REDIC1: variants seen among roughly 807,000 people sequenced by gnomAD.
REDIC1 encodes regulator of DNA class I crossover intermediates 1, also known as HEI10 Interacting Protein 1.
At chr12:39,726,278 A>G in the REDIC1 span, among the ~76,000 whole-genome samples, 1 of 152,010 alleles carries the variant, frequency 6.6e-6, no homozygotes, top group East Asian at 1.9e-4. Context: ...AGTCATCTAC[A>G]TTAGGTATTT....
chr12:39,663,773 G>A, the REDIC1 span, among the ~76,000 whole-genome samples: 120 of 151,826 alleles, frequency 7.9e-4, no homozygotes, highest in East Asian at 0.011. Context: ...ATGCATTTTC[G>A]TTATAGTAGA....
At chr12:39,702,572 T>A in the REDIC1 span, among the ~76,000 whole-genome samples, 2 of 152,128 alleles carry the variant, frequency 1.3e-5, no homozygotes, top group African/African-American at 4.8e-5. Context: ...GAATCCTCCC[T>A]AACTCATTTT....
At chr12:39,714,258 CATGCATATATGTATATATGT>C in the REDIC1 span, among the ~76,000 whole-genome samples, 1 of 141,894 alleles carries the variant, frequency 7.0e-6, no homozygotes, top group African/African-American at 2.6e-5. Flanking sequence ...TACGTATATG[CATGCATATATGTATATATGT>C]ATATACGTAT....
the REDIC1 span, among the ~76,000 whole-genome samples, chr12:39,713,479 C>T: frequency 6.7e-6 from 1 of 149,482 alleles, no homozygotes; most frequent in East Asian, 2.0e-4. Context: ...TACATGTATA[C>T]ATTTATACAT....
At chr12:39,813,967 G>T in the REDIC1 span, among the ~76,000 whole-genome samples, 1 of 152,098 alleles carries the variant, frequency 6.6e-6, no homozygotes, top group Non-Finnish European at 1.5e-5. Context: ...TTTCAATCTT[G>T]GACAATTTCC....
chr12:39,717,157 CACAT>C, the REDIC1 span, among the ~76,000 whole-genome samples: 1 of 134,078 alleles, frequency 7.5e-6, no homozygotes, highest in Non-Finnish European at 1.5e-5. Flanking sequence ...TATATATACA[CACAT>C]ACACACACAC....
At chr12:39,833,866 A>T in the REDIC1 span, among the ~76,000 whole-genome samples, 1 of 143,514 alleles carries the variant, frequency 7.0e-6, no homozygotes, top group African/African-American at 2.6e-5. Flanking sequence ...AATCTTTTCC[A>T]CACTTTTGCC....
At chr12:39,807,154 G>A in the REDIC1 span, among the ~76,000 whole-genome samples, 1 of 152,304 alleles carries the variant, frequency 6.6e-6, no homozygotes. Context: ...CAAAAACCTC[G>A]ATAACTTTTG....
the REDIC1 span, among the ~76,000 whole-genome samples, chr12:39,694,571 A>G: frequency 4.6e-5 from 7 of 152,198 alleles, no homozygotes; most frequent in African/African-American, 1.4e-4. Flanking sequence ...CCAGAGGGGA[A>G]TTGCTGATCC....
At chr12:39,818,974 T>C in the REDIC1 span, among the ~76,000 whole-genome samples, 104,495 of 151,980 alleles carry the variant, frequency 0.69, 36,457 homozygotes, top group African/African-American at 0.79. Context: ...ATCAAGTATT[T>C]CCCAAAAACT....
chr12:39,823,051 C>A, the REDIC1 span, among the ~76,000 whole-genome samples: 2 of 152,136 alleles, frequency 1.3e-5, no homozygotes, highest in Non-Finnish European at 2.9e-5. Flanking sequence ...AAGTAACAGC[C>A]TAGAGGCATG....
the REDIC1 span, among the ~76,000 whole-genome samples, chr12:39,877,646 T>C: frequency 5.9e-5 from 9 of 152,206 alleles, no homozygotes; most frequent in African/African-American, 2.2e-4. Context: ...AGTCAGGTCA[T>C]GGACTTGTGG....
At chr12:39,671,383 A>G in the REDIC1 span, among the ~76,000 whole-genome samples, 6 of 152,118 alleles carry the variant, frequency 3.9e-5, no homozygotes, top group African/African-American at 1.4e-4. Flanking sequence ...TTTTCTGGGG[A>G]TGGGATGCCA....
the REDIC1 span, among the ~76,000 whole-genome samples, chr12:39,631,551 T>G: frequency 5.9e-5 from 9 of 152,232 alleles, no homozygotes; most frequent in African/African-American, 1.7e-4. Flanking sequence ...GAATCAAATA[T>G]TGCTGCTTAT....
the REDIC1 span, chr12:39,721,024 C>T: frequency 6.2e-7 from 1 of 1,613,694 alleles, no homozygotes; most frequent in South Asian, 1.1e-5. Flanking sequence ...CCACATTTTG[C>T]AAAACAAAAC....
the REDIC1 span, chr12:39,830,200 C>G: frequency 6.2e-7 from 1 of 1,613,586 alleles, no homozygotes; most frequent in South Asian, 1.1e-5. Context: ...AAACCGCAGT[C>G]TGGATCCAAC....
At chr12:39,733,264 A>G in the REDIC1 span, among the ~76,000 whole-genome samples, 2 of 152,196 alleles carry the variant, frequency 1.3e-5, no homozygotes, top group East Asian at 3.8e-4. Flanking sequence ...TTTGATAATA[A>G]TCAGGTTTTC....
the REDIC1 span, among the ~76,000 whole-genome samples, chr12:39,629,861 A>T: frequency 6.6e-6 from 1 of 152,142 alleles, no homozygotes; most frequent in Admixed American, 6.5e-5. Context: ...AATTTAATGG[A>T]CTTTTTTCTT....
the REDIC1 span, among the ~76,000 whole-genome samples, chr12:39,777,236 C>T: frequency 2.2e-4 from 34 of 152,142 alleles, no homozygotes; most frequent in African/African-American, 6.7e-4. Flanking sequence ...AAGAAGAGAC[C>T]GGACTAAACT....
Sources: allele counts gnomAD v4.1 joint callset (sites outside exome capture counted in the v4.1 genomes callset), GRCh38; gene constraint gnomAD v4.1.1; transcripts MANE v1.5; gene names NCBI Gene and HGNC (gene_info 2026-07-23, HGNC 2026-07-21).